MORC1: variants seen among roughly 807,000 people sequenced by gnomAD.
MORC1 encodes MORC family CW-type zinc finger protein 1.
A neutral mutation model predicts 134.9 loss-of-function variants in MORC1; 59 were observed. That is an observed-to-expected ratio of 0.44 (90% CI 0.35 to 0.54). MORC1 has a LOEUF of 0.54. Ranked by LOEUF, MORC1 falls within the 20% of genes least tolerant of loss-of-function variation. MORC1 has a pLI of 0.00. For synonymous variants in MORC1, 395 were observed against 391.7 expected (o/e 1.01, Z -0.10); for missense variants, 947 against 1,134.5 (o/e 0.83, Z 2.37).
intron 27 of MORC1, among the ~76,000 whole-genome samples, chr3:108,959,587 C>A (rs1259853734): frequency 1.3e-5 from 2 of 152,116 alleles, no homozygotes; most frequent in East Asian, 3.9e-4. Context: ...TCCTGTTTAT[C>A]CTCCCCTTCT....
intron 24 of MORC1, among the ~76,000 whole-genome samples, chr3:108,978,796 G>A (rs933677938): frequency 1.3e-5 from 2 of 152,036 alleles, no homozygotes; most frequent in African/African-American, 4.8e-5. Context: ...GTTTTCCCTG[G>A]CCCGAGCATC....
chr3:109,010,916 G>A lies in MORC1; in HGVS notation c.1705-3825C>T, dbSNP rs569188367. On this transcript the variant is annotated intron_variant, in intron 17 of 27. Coordinates refer to ENST00000232603, the MANE Select transcript of MORC1 (RefSeq NM_014429.4). ...CCTTTCGCCTTTTGATGGTCATCTG[G>A]ATGTTTTCCAGGTTTTGGCAATTAC... Among the ~76,000 whole-genome samples, 7 of 152,280 alleles carry A rather than the reference G, an allele frequency of 4.6e-5. No homozygotes were observed. The South Asian group carries it at 1.2e-3, about 27-fold the overall frequency.
chr3:108,999,947 A>G (rs1048468974), intron 21 of MORC1, among the ~76,000 whole-genome samples: 2 of 152,210 alleles, frequency 1.3e-5, no homozygotes, highest in African/African-American at 2.4e-5. Flanking sequence ...CATTTCTTAT[A>G]TAGTCAGTCC....
At chr3:109,004,711 GTTAAGCA>G in intron 20 of MORC1, 99 bp downstream of exon 20, 1 of 1,082,018 alleles carries the variant, frequency 9.2e-7, no homozygotes, top group Middle Eastern at 2.1e-4. Flanking sequence ...GTATGATTTA[GTTAAGCA>G]TTTTTCCTAT....
chr3:108,978,098 C>T (rs1947613420), intron 24 of MORC1, among the ~76,000 whole-genome samples: 1 of 152,016 alleles, frequency 6.6e-6, no homozygotes, highest in African/African-American at 2.4e-5. Context: ...AGGATGGTCT[C>T]GATCTCCTGA....
At chr3:109,067,016 G>A (rs1950213342) in intron 9 of MORC1, among the ~76,000 whole-genome samples, 3 of 152,174 alleles carry the variant, frequency 2.0e-5, no homozygotes, top group Non-Finnish European at 4.4e-5. Flanking sequence ...AGTCTGATAG[G>A]TGGGTGGGGT....
chr3:109,093,587 T>G, intron 7 of MORC1, 46 bp from the exon 8 acceptor site: 1 of 1,306,010 alleles, frequency 7.7e-7, no homozygotes, highest in Non-Finnish European at 1.1e-6. Context: ...TTAAATACAC[T>G]AAATGCTAGT....
intron 14 of MORC1, among the ~76,000 whole-genome samples, chr3:109,045,965 T>C (rs1949685381): frequency 6.6e-6 from 1 of 152,162 alleles, no homozygotes; most frequent in Non-Finnish European, 1.5e-5. Flanking sequence ...AGGACCTCCG[T>C]ATGCTGCAAG....
At position 109,035,381 on chromosome 3, in the gene MORC1, T is replaced by G. The variant is rs1178378143; in HGVS notation, c.1418A>C (p.Gln473Pro). Residue 473 changes from glutamine to proline, a missense_variant, in exon 15 of 28, where the codon CAA (glutamine) becomes CCA (proline). Transcript: ENST00000232603. The stretch of plus-strand genomic sequence containing the variant: ...TGGGATACCCATGGCTTGTCTTCTT[T>G]GATATTGAAAAGAATTTAAAGGTTT... ...VEKPLNSFQY[Q>P]RRQAMGIPFI... 1 of 1,586,602 alleles carries G rather than the reference T, an allele frequency of 6.3e-7. No homozygotes were observed. The highest frequency in any genetic ancestry group is 2.2e-5 in the East Asian group (1 of 44,458).
intron 17 of MORC1, among the ~76,000 whole-genome samples, chr3:109,016,080 A>G (rs1475463354): frequency 6.6e-6 from 1 of 152,214 alleles, no homozygotes; most frequent in Non-Finnish European, 1.5e-5. Context: ...ACTTTTGTGC[A>G]TGAAACAACG....
At chr3:109,003,096 C>T (rs1357039788) in intron 20 of MORC1, among the ~76,000 whole-genome samples, 3 of 152,022 alleles carry the variant, frequency 2.0e-5, no homozygotes, top group Non-Finnish European at 2.9e-5. Context: ...AGTCATGCTA[C>T]TGTGTCATAA....
At chr3:109,058,171 G>T (rs17304191) in intron 12 of MORC1, among the ~76,000 whole-genome samples, 50,239 of 152,008 alleles carry the variant, frequency 0.33, 9,915 homozygotes, top group East Asian at 0.73. Context: ...TGGAAGCTAT[G>T]AAAATGCCTG....
At chr3:108,973,139 A>G (rs547007936) in intron 24 of MORC1, among the ~76,000 whole-genome samples, 1 of 152,288 alleles carries the variant, frequency 6.6e-6, no homozygotes, top group Non-Finnish European at 1.5e-5. Flanking sequence ...ACCTTTTGCC[A>G]TTTTGCATTT....
At chr3:109,066,847 C>A (rs1950208562) in intron 9 of MORC1, among the ~76,000 whole-genome samples, 1 of 152,182 alleles carries the variant, frequency 6.6e-6, no homozygotes, top group East Asian at 1.9e-4. Context: ...CAAAGGTCCA[C>A]AACTAGTAAA....
chr3:109,066,975 T>A (rs1256407696), intron 9 of MORC1, among the ~76,000 whole-genome samples: 1 of 145,226 alleles, frequency 6.9e-6, no homozygotes, highest in African/African-American at 2.6e-5. Flanking sequence ...GGATGCATGG[T>A]GTACAAAAGA....
intron 14 of MORC1, among the ~76,000 whole-genome samples, chr3:109,053,611 C>A (rs556093544): frequency 2.6e-5 from 4 of 152,026 alleles, no homozygotes; most frequent in South Asian, 4.2e-4. Flanking sequence ...ACAATAGACA[C>A]TGAGGAATAT....
At chr3:109,032,387 G>A (rs1006353678) in intron 16 of MORC1, among the ~76,000 whole-genome samples, 30 of 152,158 alleles carry the variant, frequency 2.0e-4, no homozygotes, top group African/African-American at 7.2e-4. Flanking sequence ...GACACTCTCT[G>A]AGTAACACTC....
chr3:108,996,284 GCGCA>G (rs1479615858), intron 21 of MORC1, among the ~76,000 whole-genome samples: 38 of 77,570 alleles, frequency 4.9e-4, no homozygotes, highest in South Asian at 1.8e-3. Flanking sequence ...GTGCGCGCGC[GCGCA>G]CACACACACA....
chr3:109,095,820 T>C (rs528503534), intron 6 of MORC1, among the ~76,000 whole-genome samples: 3 of 152,004 alleles, frequency 2.0e-5, no homozygotes, highest in Non-Finnish European at 4.4e-5. Flanking sequence ...GACAATTACA[T>C]TAAGGATTCC....
Sources: gnomAD v4.1 joint callset for allele counts (sites outside exome capture counted in the v4.1 genomes callset) on GRCh38, gnomAD v4.1.1 for gene constraint, MANE v1.5 for transcripts, NCBI Gene and HGNC (gene_info 2026-07-23, HGNC 2026-07-21) for gene names.